Variants in BAIAP2 observed in about 807,000 individuals in gnomAD.
BAIAP2 encodes BAR/IMD domain-containing adapter protein 2.
Under a neutral mutation model 63.0 loss-of-function variants are expected in BAIAP2, and 18 were observed. That is an observed-to-expected ratio of 0.29 (90% CI 0.20 to 0.42). The LOEUF is 0.42. Among genes scored for constraint, BAIAP2 ranks in the 10% least tolerant of loss-of-function variants. The pLI, the probability that BAIAP2 is intolerant of heterozygous loss-of-function variation, is 1.00. For missense variants in BAIAP2, 610 were observed against 734.3 expected, an observed-to-expected ratio of 0.83 and a Z score of 1.96; for synonymous variants, 386 against 307.6, an observed-to-expected ratio of 1.25 and a Z score of -2.67.
intron 1 of BAIAP2, chr17:81,036,780 C>G (rs2046331197): frequency 1.6e-6 from 2 of 1,219,360 alleles, no homozygotes; most frequent in East Asian, 2.5e-5. Flanking sequence ...CCTTGTTGCT[C>G]TGTGGAAGCA....
chr17:81,114,483 C>T (rs1289429658), intron 13 of BAIAP2, among the ~76,000 whole-genome samples: 2 of 152,170 alleles, frequency 1.3e-5, no homozygotes, highest in African/African-American at 4.8e-5. Context: ...CCGATCAAAG[C>T]TGAAAAAAGC....
At chr17:81,041,210 C>CTG in intron 1 of BAIAP2, among the ~76,000 whole-genome samples, 1 of 152,334 alleles carries the variant, frequency 6.6e-6, no homozygotes, top group Admixed American at 6.5e-5. Context: ...TCTTGCCTGG[C>CTG]CAGTCCCCTG....
At chr17:81,073,304 C>T (rs902411986) in intron 3 of BAIAP2, among the ~76,000 whole-genome samples, 1 of 152,146 alleles carries the variant, frequency 6.6e-6, no homozygotes, top group African/African-American at 2.4e-5. Context: ...GGGTGCCTTT[C>T]AGATACTCGG....
In BAIAP2 at chr17:81,057,971, A is replaced by AGTGGGGGG; in HGVS notation, c.217+5_217+6insTGGGGGGG. 3 of 664,810 alleles carry AGTGGGGGG rather than the reference A, an allele frequency of 4.5e-6. No individual in the cohort carries two copies. Among genetic ancestry groups the AGTGGGGGG allele is most frequent in the Non-Finnish European group, 4.3e-6 (2 of 462,422 alleles). The allele number at this position is 664,810 out of a possible 1,614,324, so 41.2% of individuals were successfully genotyped here. A position where few individuals can be genotyped will look rare whatever the true frequency, so the allele number is the denominator to read the frequency against. The stretch of plus-strand genomic sequence containing the variant: ...AGCCAGGGCTCCAAAGAACTCGGTG[A>AGTGGGGGG]GACCCCCCCCCCCCCCCCGCCTGGT... On this transcript the variant is annotated splice_donor_region_variant and intron_variant, in intron 3 of 13. Transcript: ENST00000428708.
intron 3 of BAIAP2, among the ~76,000 whole-genome samples, chr17:81,062,295 T>G (rs1001269169): frequency 2.9e-5 from 4 of 137,908 alleles, no homozygotes; most frequent in African/African-American, 8.1e-5. Flanking sequence ...TTTAATGTAG[T>G]TCAATGGACT....
chr17:81,061,462 C>A (rs150927033), intron 3 of BAIAP2, among the ~76,000 whole-genome samples: 1 of 152,170 alleles, frequency 6.6e-6, no homozygotes, highest in Non-Finnish European at 1.5e-5. Context: ...ACCACTGATC[C>A]GCTTTCTGTC....
chr17:81,043,971 G>A lies in BAIAP2; in HGVS notation c.54+8663G>A, dbSNP rs145317502. 5.9e-5 allele frequency among the ~76,000 whole-genome samples: 9 copies of A among 152,348 alleles called. No homozygotes were observed. The East Asian group carries it at 1.7e-3, about 29-fold the overall frequency. ...TACTGGGTAAGTGGTGGCCACGATC[G>A]CTAGCTTGTGGGACAGAAAGTTCTT... On this transcript the variant is annotated intron_variant, in intron 1 of 13. Transcript: ENST00000428708.
intron 3 of BAIAP2, among the ~76,000 whole-genome samples, chr17:81,059,270 G>A (rs1037476382): frequency 6.6e-6 from 1 of 152,210 alleles, no homozygotes; most frequent in Admixed American, 6.5e-5. Context: ...CACTCTGGGC[G>A]GGGTCCCCGG....
At chr17:81,057,648 GGTACGTTGTGTTC>G in intron 2 of BAIAP2, 1 of 1,324,480 alleles carries the variant, frequency 7.6e-7, no homozygotes, top group Admixed American at 3.8e-5. Context: ...GACCTGAACT[GGTACGTTGTGTTC>G]TTACGAGTCA....
intron 5 of BAIAP2, 152 bp from the exon 6 acceptor site, chr17:81,086,291 T>C (rs2055627603): frequency 3.1e-6 from 3 of 958,068 alleles, no homozygotes; most frequent in African/African-American, 1.6e-5. Context: ...CAGCTGAGCA[T>C]GCACGGCCAG....
rs78939258 is a variant in BAIAP2, at chr17:81,069,067, C to G, written c.217+11100C>G. Among the ~76,000 whole-genome samples, 14 of 152,276 alleles carry G rather than the reference C, an allele frequency of 9.2e-5. 1 individual carries two copies. Among genetic ancestry groups the G allele is most frequent in the Admixed American group, 9.2e-4 (14 of 15,300 alleles). ...GGCAGGGGCTGGGCTTAGAAGGATG[C>G]GCTGGGTCCTCCGGCTGTCCCCACT... On this transcript the variant is annotated intron_variant, in intron 3 of 13. Transcript: ENST00000428708.
At chr17:81,059,343 T>C (rs1470746741) in intron 3 of BAIAP2, among the ~76,000 whole-genome samples, 1 of 152,242 alleles carries the variant, frequency 6.6e-6, no homozygotes, top group Non-Finnish European at 1.5e-5. Flanking sequence ...TGACGGAGGC[T>C]GAGACTCCAG....
intron 6 of BAIAP2, among the ~76,000 whole-genome samples, chr17:81,088,377 T>C (rs1332054605): frequency 6.6e-6 from 1 of 152,252 alleles, no homozygotes; most frequent in Non-Finnish European, 1.5e-5. Flanking sequence ...GGGTTTTTGC[T>C]AACAGCGTTT....
chr17:81,057,400 G>C (rs1330700825), intron 2 of BAIAP2: 1 of 153,368 alleles, frequency 6.5e-6, no homozygotes, highest in Non-Finnish European at 1.4e-5. Flanking sequence ...CCTTTGATCA[G>C]CTGTGACGGG....
Position 81,100,093 on chromosome 17 carries a change from G to A in BAIAP2, c.642+13G>A. The stretch of plus-strand genomic sequence containing the variant: ...CTACCACTCCAAGGTGAGGCGGCTG[G>A]GGGCTGCGCTGTGCCGGCGCTGGGC... On this transcript the variant is annotated intron_variant, in intron 7 of 13. Coordinates refer to ENST00000428708, the MANE Select transcript of BAIAP2 (RefSeq NM_001144888.2). The A allele has an allele frequency of 5.0e-6, 8 of 1,603,088 alleles. No homozygotes were observed. Among genetic ancestry groups the A allele is most frequent in the Non-Finnish European group, 6.0e-6 (7 of 1,174,908 alleles).
At chr17:81,053,488 C>T in intron 1 of BAIAP2, 180 bp from the exon 2 acceptor site, 2 of 654,378 alleles carry the variant, frequency 3.1e-6, no homozygotes, top group Non-Finnish European at 5.3e-6. Flanking sequence ...GGTCATTTTC[C>T]CAAGGACATT....
chr17:81,047,398 G>A (rs965772764), intron 1 of BAIAP2, among the ~76,000 whole-genome samples: 3 of 152,210 alleles, frequency 2.0e-5, no homozygotes, highest in African/African-American at 4.8e-5. Flanking sequence ...CAGCCGGAGA[G>A]GGTCCTAGCA....
chr17:81,109,992 C>G, intron 13 of BAIAP2: 2 of 985,478 alleles, frequency 2.0e-6, no homozygotes, highest in Non-Finnish European at 1.2e-6. Flanking sequence ...CCTAAACGCT[C>G]TCGTCTTTTT....
At chr17:81,076,676 GT>G (rs548491632) in intron 3 of BAIAP2, among the ~76,000 whole-genome samples, 66 of 152,212 alleles carry the variant, frequency 4.3e-4, no homozygotes, top group Non-Finnish European at 6.8e-4. Context: ...TATCCATAGG[GT>G]GAAGTTGTAT....
Sources: gnomAD v4.1 joint callset for allele counts (sites outside exome capture counted in the v4.1 genomes callset) on GRCh38, gnomAD v4.1.1 for gene constraint, MANE v1.5 for transcripts, NCBI Gene and HGNC (gene_info 2026-07-23, HGNC 2026-07-21) for gene names.